The following CA4 variants were observed in gnomAD, a reference collection of about 807,000 sequenced individuals.
CA4 encodes the protein CA-IV.
Under a neutral mutation model 34.5 loss-of-function variants are expected in CA4, and 24 were observed. The ratio of observed to expected loss-of-function variants is 0.70; its 90% CI spans 0.50 to 0.98. The LOEUF is 0.98. Ranked by LOEUF, CA4 falls within the 50% of genes least tolerant of loss-of-function variation. The probability of loss-of-function intolerance (pLI) is 0.00; values close to 1 mark genes in which losing one functional copy is unlikely to be tolerated. For missense variants in CA4, 394 were observed against 396.7 expected, an observed-to-expected ratio of 0.99 and a Z score of 0.06; for synonymous variants, 178 against 170.6, an observed-to-expected ratio of 1.04 and a Z score of -0.34.
downstream of CA4, among the ~76,000 whole-genome samples, chr17:60,163,967 C>A (rs187427357): frequency 2.1e-3 from 326 of 151,838 alleles, 4 homozygotes; most frequent in African/African-American, 7.5e-3. Context: ...CCTGTCTCTA[C>A]GAGGGGGAAA....
rs779611592 is a variant in CA4, at chr17:60,155,417, C to A, written c.112+50C>A. ...TGCTCTTTGTGCATGGTGGGCACCA[C>A]GCAAGCCGAAATGGAGACCCCGGAA... On this transcript the variant is annotated intron_variant, in intron 2 of 7. Transcript: ENST00000300900. 2.7e-6 allele frequency: 4 copies of A among 1,483,426 alleles called. No individual in the cohort carries two copies. In the East Asian group the frequency reaches 7.3e-5, roughly 27 times the overall value. The allele number at this position is 1,483,426 out of a possible 1,614,324, so 91.9% of individuals were successfully genotyped here.
downstream of CA4, among the ~76,000 whole-genome samples, chr17:60,163,172 G>T (rs2083812761): frequency 1.3e-5 from 2 of 151,282 alleles, no homozygotes; most frequent in South Asian, 2.1e-4. Context: ...GCGGAGGAGG[G>T]TCTACAGGGG....
rs2083706341 is a variant in CA4 at position 60,157,344 on chromosome 17, C to T, written c.269-83C>T. The T allele has an allele frequency of 9.7e-6, 13 of 1,344,908 alleles. No homozygotes were observed. In the South Asian group the frequency reaches 1.5e-4, roughly 16 times the overall value. 83.3% of individuals were successfully genotyped at this position (1,344,908 alleles called of 1,614,324 possible). ...AAGGTTGGGAGGCAGGAGACAATGT[C>T]CCATCTGGGTGAAGCTGGGATGAAG... On this transcript the variant is annotated intron_variant, in intron 3 of 7. Coordinates refer to ENST00000300900, the MANE Select transcript of CA4 (RefSeq NM_000717.5).
chr17:60,163,992 G>A (rs1368198870), downstream of CA4, among the ~76,000 whole-genome samples: 3 of 151,958 alleles, frequency 2.0e-5, no homozygotes, highest in East Asian at 1.9e-4. Flanking sequence ...GAAGCCAGAC[G>A]TGGTGGCACG....
chr17:60,157,457 T>G lies in CA4; in HGVS notation c.299T>G (p.Ile100Ser). ...ATGTTGCTGGAGAACAAGGCCAGCA[T>G]TTCTGGAGGAGGACTGCCTGCCCCA... ...VMMLLENKASISGGGLPAPYQ... is the reference protein window; with the variant it reads ...VMMLLENKASSSGGGLPAPYQ... Residue 100 changes from isoleucine to serine, a missense_variant, in exon 4 of 8, where the codon ATT becomes AGT. Ile to Ser is a moderately radical substitution (Grantham distance 142, BLOSUM62 -2). Transcript: ENST00000300900. 1 of 1,614,118 alleles carries G rather than the reference T, an allele frequency of 6.2e-7. No homozygotes were observed. Among genetic ancestry groups the G allele is most frequent in the Non-Finnish European group, 8.5e-7 (1 of 1,179,994 alleles).
the CA4 span, among the ~76,000 whole-genome samples, chr17:60,177,887 C>T: frequency 6.6e-6 from 1 of 152,092 alleles, no homozygotes; most frequent in Non-Finnish European, 1.5e-5. Flanking sequence ...TGAGAATCAA[C>T]TTGCAGGGTC....
chr17:60,173,480 G>A (rs1434220102), downstream of CA4, among the ~76,000 whole-genome samples: 1 of 152,194 alleles, frequency 6.6e-6, no homozygotes, highest in Non-Finnish European at 1.5e-5. Flanking sequence ...CACTTTATGA[G>A]GCAGTTCGCT....
At chr17:60,161,439 G>A (rs1251761084), downstream of CA4, among the ~76,000 whole-genome samples, 1 of 152,102 alleles carries the variant, frequency 6.6e-6, no homozygotes, top group African/African-American at 2.4e-5. Context: ...GGCTGGGTGA[G>A]GACCCCTTTG....
At chr17:60,163,011 G>A (rs937144693), downstream of CA4, among the ~76,000 whole-genome samples, 5 of 152,180 alleles carry the variant, frequency 3.3e-5, no homozygotes, top group South Asian at 4.1e-4. Context: ...TTCAGCATCC[G>A]GGTGGGAGCC....
chr17:60,156,416 G>A, intron 2 of CA4, 144 bp from the exon 3 acceptor site: 1 of 814,646 alleles, frequency 1.2e-6, no homozygotes, highest in Non-Finnish European at 2.2e-6. Context: ...TCGGAGCTGA[G>A]CATCCCTGCA....
chr17:60,162,832 G>A (rs561499282), downstream of CA4, among the ~76,000 whole-genome samples: 1 of 152,276 alleles, frequency 6.6e-6, no homozygotes, highest in East Asian at 1.9e-4. Flanking sequence ...GCACTTGTCA[G>A]AACCTGGGGC....
chr17:60,157,534 T>G lies in CA4; in HGVS notation c.376T>G (p.Ser126Ala). Residue 126 changes from serine to alanine, a missense_variant, in exon 4 of 8, where the codon TCG becomes GCG. Transcript: ENST00000300900. The part of the protein sequence containing the change: ...LHWSDLPYKG[S>A]EHSLDGEHFA... The stretch of plus-strand genomic sequence containing the variant: ...CTGGTCCGACTTGCCATATAAGGGC[T>G]CGGAGCACAGCCTCGATGGGGAGCA... 1 of 1,614,156 alleles carries G rather than the reference T, an allele frequency of 6.2e-7. No individual in the cohort carries two copies. Among genetic ancestry groups the G allele is most frequent in the Non-Finnish European group, 8.5e-7 (1 of 1,180,022 alleles).
intron 5 of CA4, among the ~76,000 whole-genome samples, chr17:60,168,501 T>TG (rs1352682247): frequency 9.0e-5 from 1 of 11,152 alleles, no homozygotes; most frequent in African/African-American, 4.4e-4. Context: ...TTTCTTTTTT[T>TG]GGGGGGGCAG....
rs779911940 is a variant in CA4, at chr17:60,156,701, A to C, written c.254A>C (p.Asn85Thr). 8.7e-6 allele frequency: 14 copies of C among 1,613,942 alleles called. No individual in the cohort carries two copies. In the African/African-American group the frequency reaches 1.9e-4, roughly 22 times the overall value. ...YDKKQTWTVQ[N>T]NGHSVMMLLE... ...AAGAAGCAAACGTGGACTGTCCAAA[A>C]TAACGGGCACTCAGGTGGGCTGGAT... The change falls in exon 3 of 8, where the codon AAT becomes ACT. Residue 85 changes from asparagine (N) to threonine (T), a missense_variant. Transcript: ENST00000300900.
downstream of CA4, among the ~76,000 whole-genome samples, chr17:60,160,750 C>A (rs1450904229): frequency 3.5e-3 from 453 of 129,508 alleles, no homozygotes; most frequent in South Asian, 4.8e-3. Flanking sequence ...GACTCTGTCT[C>A]AAAAAAAAAA....
chr17:60,169,369 G>A (rs1358764202), intron 5 of CA4, among the ~76,000 whole-genome samples: 1 of 152,110 alleles, frequency 6.6e-6, no homozygotes, highest in East Asian at 1.9e-4. Context: ...GCTGGCCTAT[G>A]CTCCAGACAG....
At chr17:60,157,316 A>T (rs757025562) in intron 3 of CA4, 111 bp from the exon 4 acceptor site, 2 of 1,082,352 alleles carry the variant, frequency 1.8e-6, no homozygotes, top group Admixed American at 4.1e-5. Flanking sequence ...ACCAGAGCTC[A>T]TGAAGGTTGG....
At chr17:60,178,552 C>T in the CA4 span, among the ~76,000 whole-genome samples, 9 of 152,200 alleles carry the variant, frequency 5.9e-5, no homozygotes, top group African/African-American at 2.2e-4. Flanking sequence ...TCTACTGGGT[C>T]TCCCACAAGG....
Position 60,159,419 on chromosome 17 carries a change from C to A in CA4, c.934C>A (p.Arg312=), listed in dbSNP as rs545060770. 56 of 1,611,308 alleles carry A rather than the reference C, an allele frequency of 3.5e-5. No individual in the cohort carries two copies. Among genetic ancestry groups the A allele is most frequent in the Non-Finnish European group, 4.5e-5 (53 of 1,179,632 alleles). Residue 312 remains arginine, a synonymous_variant, in exon 8 of 8, where the codon CGA becomes AGA. Transcript: ENST00000300900. ...GGCCTGCCTGCTGGCCGGCTTCCTG[C>A]GATGATGGCTCACTTCTGCACGCAG... is the stretch of plus-strand genomic sequence containing the variant. ...MLACLLAGFL[R]
Sources: gnomAD v4.1 joint callset for allele counts (sites outside exome capture counted in the v4.1 genomes callset) on GRCh38, gnomAD v4.1.1 for gene constraint, MANE v1.5 for transcripts, NCBI Gene and HGNC (gene_info 2026-07-23, HGNC 2026-07-21) for gene names.